The following ANK2 variants were observed in gnomAD, a reference collection of about 807,000 sequenced individuals.
ANK2 encodes ankyrin-2.
ANK2 carries 83 observed loss-of-function variants against 360.5 expected under a neutral mutation model. The ratio of observed to expected loss-of-function variants is 0.23; its 90% CI spans 0.19 to 0.28. The LOEUF is 0.28. Among genes scored for constraint, ANK2 ranks in the 10% least tolerant of loss-of-function variants. The pLI, the probability that ANK2 is intolerant of heterozygous loss-of-function variation, is 1.00. For missense variants in ANK2, 4,201 were observed against 4,795.7 expected (o/e 0.88, Z 3.66); for synonymous variants, 1,740 against 1,759.5 (o/e 0.99, Z 0.28).
At chr4:112,969,993 T>A (rs999795438) in intron 2 of ANK2, among the ~76,000 whole-genome samples, 2 of 152,046 alleles carry the variant, frequency 1.3e-5, no homozygotes, top group Non-Finnish European at 2.9e-5. Context: ...TTTATTATTT[T>A]TTTTTTTTGA....
chr4:113,191,016 A>C (rs1480177054), intron 2 of ANK2, among the ~76,000 whole-genome samples: 1 of 152,198 alleles, frequency 6.6e-6, no homozygotes, highest in East Asian at 1.9e-4. Flanking sequence ...AACCAAAGAA[A>C]TGAGAGACCA....
chr4:113,312,878 C>T (rs560142019), intron 24 of ANK2, among the ~76,000 whole-genome samples: 1 of 152,250 alleles, frequency 6.6e-6, no homozygotes, highest in South Asian at 2.1e-4. Flanking sequence ...GAGATTGCAG[C>T]CACTCTGAGA....
intron 1 of ANK2, among the ~76,000 whole-genome samples, chr4:112,834,657 A>G (rs1414615369): frequency 6.6e-6 from 1 of 152,188 alleles, no homozygotes; most frequent in African/African-American, 2.4e-5. Flanking sequence ...ATCTCAGAAA[A>G]TTAACAGTAA....
chr4:112,863,862 T>TA (rs565376606), intron 1 of ANK2, among the ~76,000 whole-genome samples: 100 of 152,264 alleles, frequency 6.6e-4, no homozygotes, highest in African/African-American at 2.2e-3. Context: ...TAGTGATGAC[T>TA]AACCAGTCAA....
At chr4:112,735,661 T>C in the ANK2 span, among the ~76,000 whole-genome samples, 1 of 152,258 alleles carries the variant, frequency 6.6e-6, no homozygotes, top group East Asian at 1.9e-4. Context: ...TCATGGGGTA[T>C]GTATATTCTA....
chr4:113,326,799 C>T (rs1397114751), intron 26 of ANK2, among the ~76,000 whole-genome samples: 8 of 152,098 alleles, frequency 5.3e-5, no homozygotes, highest in Non-Finnish European at 1.5e-5. Context: ...CCTAGGAGTT[C>T]AAAACCAGCC....
At chr4:112,919,602 T>C (rs953169449) in intron 2 of ANK2, among the ~76,000 whole-genome samples, 4 of 152,090 alleles carry the variant, frequency 2.6e-5, no homozygotes, top group African/African-American at 4.8e-5. Context: ...ATAAGACAAA[T>C]GAAATAAGTA....
At chr4:112,925,026 G>A (rs950673021) in intron 2 of ANK2, among the ~76,000 whole-genome samples, 5 of 151,932 alleles carry the variant, frequency 3.3e-5, no homozygotes, top group Admixed American at 6.6e-5. Context: ...TTTTAGTAGA[G>A]ACGAGGTTTC....
At chr4:112,765,266 C>T in the ANK2 span, among the ~76,000 whole-genome samples, 1 of 152,194 alleles carries the variant, frequency 6.6e-6, no homozygotes, top group South Asian at 2.1e-4. Flanking sequence ...AATGTCTTTA[C>T]AGCTAAATTG....
intron 1 of ANK2, chr4:112,882,391 C>T (rs1019108066): frequency 1.3e-5 from 2 of 152,044 alleles, no homozygotes; most frequent in South Asian, 2.1e-4. Flanking sequence ...ATTGCTTGAT[C>T]TCAGAGTTTC....
intron 2 of ANK2, among the ~76,000 whole-genome samples, chr4:113,044,004 G>C (rs2063629378): frequency 6.6e-6 from 1 of 152,072 alleles, no homozygotes. Flanking sequence ...CCAGACTAGT[G>C]CCTTTAATAC....
intron 2 of ANK2, among the ~76,000 whole-genome samples, chr4:113,005,417 G>T (rs79682981): frequency 0.14 from 21,682 of 152,114 alleles, 1,943 homozygotes; most frequent in East Asian, 0.39. Flanking sequence ...ATAAAAAGAG[G>T]ATTTGCTATT....
Position 113,348,313 on chromosome 4 carries a change from T to G in ANK2, c.4404+5T>G, listed in dbSNP as rs751884237. ...GATCAAGAACAGGAGGAAGAGGTAA[T>G]TTTATGACAGTGTCACTTGTTATCG... On this transcript the variant is annotated splice_donor_5th_base_variant and intron_variant, in intron 36 of 45. Transcript: ENST00000357077. 6.2e-6 allele frequency: 10 copies of G among 1,613,036 alleles called. No individual in the cohort carries two copies. The highest frequency in any genetic ancestry group is 7.6e-6 in the Non-Finnish European group (9 of 1,179,254).
At chr4:112,911,146 C>CTTTA (rs1216294145) in intron 2 of ANK2, among the ~76,000 whole-genome samples, 1 of 124,418 alleles carries the variant, frequency 8.0e-6, no homozygotes, top group African/African-American at 3.2e-5. Flanking sequence ...TTAGTAGAGA[C>CTTTA]TTTAGTAGAG....
At chr4:113,305,945 A>G (rs2153806231) in intron 23 of ANK2, among the ~76,000 whole-genome samples, 1 of 152,366 alleles carries the variant, frequency 6.6e-6, no homozygotes, top group African/African-American at 2.4e-5. Context: ...AGATAAAATC[A>G]TAAGGTAAGA....
At chr4:112,957,670 G>A (rs1290108078) in intron 2 of ANK2, among the ~76,000 whole-genome samples, 167 of 150,172 alleles carry the variant, frequency 1.1e-3, no homozygotes, top group African/African-American at 3.9e-3. Context: ...CCTCCCGGAC[G>A]GGGCGGCTGG....
chr4:113,356,834 C>G lies in ANK2; in HGVS notation c.8216C>G (p.Ser2739Cys), dbSNP rs1389133986. Residue 2739 changes from serine (S) to cysteine (C), a missense_variant, in exon 38 of 46, where the codon TCT becomes TGT. This residue lies in a region of ANK2 where 2,642 missense variants were observed against 2,714.5 expected (regional missense o/e 0.97). Coordinates refer to ENST00000357077, the MANE Select transcript of ANK2 (RefSeq NM_001148.6). ...EPGKSEEEKD[S>C]ESHLAEDRHA... Reference sequence around the variant, plus strand: ...GGCAAATCAGAAGAAGAAAAAGATTCTGAATCCCATTTAGCTGAAGACCGT... The same window carrying G: ...GGCAAATCAGAAGAAGAAAAAGATTGTGAATCCCATTTAGCTGAAGACCGT... 5 of 1,613,926 alleles carry G rather than the reference C, an allele frequency of 3.1e-6. No homozygotes were observed. In the African/African-American group the frequency reaches 6.7e-5, roughly 22 times the overall value.
At chr4:112,707,108 G>A in the ANK2 span, among the ~76,000 whole-genome samples, 3 of 152,152 alleles carry the variant, frequency 2.0e-5, no homozygotes, top group African/African-American at 7.2e-5. Context: ...CCTCTTTACC[G>A]AAGAGAATTG....
chr4:112,826,072 T>G (rs2058348742), intron 1 of ANK2, among the ~76,000 whole-genome samples: 1 of 152,174 alleles, frequency 6.6e-6, no homozygotes, highest in Admixed American at 6.5e-5. Context: ...TATTTTGGGG[T>G]AGCAGGTCCT....
Sources: gnomAD v4.1 joint callset for allele counts (sites outside exome capture counted in the v4.1 genomes callset) on GRCh38, gnomAD v4.1.1 for gene constraint, gnomAD v4.1.1 regional missense constraint, MANE v1.5 for transcripts, NCBI Gene and HGNC (gene_info 2026-07-23, HGNC 2026-07-21) for gene names.